GRIK2: variants seen among roughly 807,000 people sequenced by gnomAD.
The protein encoded by GRIK2 is glutamate receptor ionotropic, kainate 2.
In GRIK2, 32 loss-of-function variants were observed where a neutral mutation model predicts 100.3. The ratio of observed to expected loss-of-function variants is 0.32; its 90% CI spans 0.24 to 0.43. The LOEUF is 0.43. GRIK2 is among the 20% of genes least tolerant of loss of function. The probability of loss-of-function intolerance (pLI) is 1.00; values close to 1 mark genes in which losing one functional copy is unlikely to be tolerated. For missense variants in GRIK2, 843 were observed against 1,114.9 expected (o/e 0.76, Z 3.47); for synonymous variants, 417 against 389.4 (o/e 1.07, Z -0.83).
intron 14 of GRIK2, among the ~76,000 whole-genome samples, chr6:102,020,607 G>T (rs941083844): frequency 4.0e-5 from 6 of 151,788 alleles, no homozygotes; most frequent in Admixed American, 6.6e-5. Flanking sequence ...TTGCTAAACT[G>T]ACTTAACAGG....
At chr6:101,560,982 A>G (rs1776982808) in intron 2 of GRIK2, among the ~76,000 whole-genome samples, 1 of 152,184 alleles carries the variant, frequency 6.6e-6, no homozygotes, top group Admixed American at 6.5e-5. Flanking sequence ...GCTTGGTTAT[A>G]CATGCCTTTA....
intron 7 of GRIK2, among the ~76,000 whole-genome samples, chr6:101,765,915 C>A (rs988786258): frequency 1.3e-5 from 2 of 152,202 alleles, no homozygotes; most frequent in South Asian, 4.1e-4. Context: ...AGCTATGAGT[C>A]ATTTATTTTT....
intron 2 of GRIK2, among the ~76,000 whole-genome samples, chr6:101,517,851 T>G (rs954854089): frequency 1.3e-5 from 2 of 152,194 alleles, no homozygotes; most frequent in Non-Finnish European, 1.5e-5. Context: ...CTTATTAGGC[T>G]AACGGTATTT....
chr6:101,873,752 C>G (rs1313523487), intron 11 of GRIK2, among the ~76,000 whole-genome samples: 1 of 151,930 alleles, frequency 6.6e-6, no homozygotes, highest in East Asian at 1.9e-4. Context: ...TCCTCTCCAG[C>G]ACCTGTTGTT....
At chr6:101,403,013 C>T (rs1057326683) in intron 2 of GRIK2, among the ~76,000 whole-genome samples, 3 of 152,180 alleles carry the variant, frequency 2.0e-5, no homozygotes, top group Non-Finnish European at 4.4e-5. Context: ...TCCGGGCATG[C>T]ACTGACCCCA....
At chr6:102,055,235 T>C in intron 15 of GRIK2, 95 bp from the exon 16 acceptor site, 1 of 900,566 alleles carries the variant, frequency 1.1e-6, no homozygotes, top group Middle Eastern at 2.4e-4. Context: ...CTTTGAAGCA[T>C]TTTGAAAAAT....
chr6:101,965,085 G>A (rs1167147087), intron 14 of GRIK2, among the ~76,000 whole-genome samples: 1 of 151,910 alleles, frequency 6.6e-6, no homozygotes, highest in Non-Finnish European at 1.5e-5. Flanking sequence ...GTGTAGAACT[G>A]GAAACTGAGT....
At chr6:101,446,383 T>C (rs554898965) in intron 2 of GRIK2, among the ~76,000 whole-genome samples, 55 of 151,970 alleles carry the variant, frequency 3.6e-4, no homozygotes, top group Non-Finnish European at 6.6e-4. Context: ...ATTATTACAC[T>C]TCATTATAAA....
intron 2 of GRIK2, among the ~76,000 whole-genome samples, chr6:101,423,249 C>T (rs1208010058): frequency 6.6e-6 from 1 of 152,134 alleles, no homozygotes; most frequent in Non-Finnish European, 1.5e-5. Flanking sequence ...AGTATATTTT[C>T]CAGACTAACT....
At chr6:101,713,917 G>T (rs939720820) in intron 7 of GRIK2, among the ~76,000 whole-genome samples, 1 of 151,624 alleles carries the variant, frequency 6.6e-6, no homozygotes, top group African/African-American at 2.4e-5. Context: ...TTCACCCTAC[G>T]CTTGAATTAA....
intron 4 of GRIK2, among the ~76,000 whole-genome samples, chr6:101,635,001 T>C (rs1780936478): frequency 6.6e-6 from 1 of 152,180 alleles, no homozygotes; most frequent in South Asian, 2.1e-4. Flanking sequence ...TAGGATAAAA[T>C]AAAATTAAAG....
chr6:101,651,004 CTTTTT>C (rs3056156), intron 4 of GRIK2, among the ~76,000 whole-genome samples: 4 of 119,520 alleles, frequency 3.3e-5, no homozygotes, highest in Admixed American at 8.7e-5. Context: ...CTTTCTTTTT[CTTTTT>C]TTTTTTTTTT....
In GRIK2 at chr6:101,629,052, T is replaced by C. The variant is rs148186455; in HGVS notation, c.541+2415T>C. Among the ~76,000 whole-genome samples, 518 of 152,226 alleles carry C rather than the reference T, an allele frequency of 3.4e-3. 8 individuals carry two copies. Among genetic ancestry groups the C allele is most frequent in the Non-Finnish European group, 8.2e-4 (56 of 67,972 alleles). ...CCTCATGTATTTGTTCTATTCCTGC[T>C]TTAAATTATATTCTCAATTATATCA... On this transcript the variant is annotated intron_variant, in intron 4 of 16. Coordinates refer to ENST00000369134, the MANE Select transcript of GRIK2 (RefSeq NM_021956.5).
chr6:102,040,759 AT>A (rs1324785075), intron 15 of GRIK2, among the ~76,000 whole-genome samples: 3 of 151,626 alleles, frequency 2.0e-5, no homozygotes, highest in Non-Finnish European at 4.4e-5. Context: ...GTACTGAAAT[AT>A]TCATCATTAT....
chr6:101,761,490 T>G (rs967579348), intron 7 of GRIK2, among the ~76,000 whole-genome samples: 1 of 152,170 alleles, frequency 6.6e-6, no homozygotes, highest in African/African-American at 2.4e-5. Context: ...CCAGAGCTCA[T>G]GATAGCACAC....
At chr6:101,445,013 C>A (rs1770293769) in intron 2 of GRIK2, among the ~76,000 whole-genome samples, 2 of 151,930 alleles carry the variant, frequency 1.3e-5, no homozygotes, top group South Asian at 4.2e-4. Context: ...TTCTTATATA[C>A]CCAGTATGTA....
rs71028069 is a variant in GRIK2, at chr6:101,464,497, CTTTTTTTTTTTTTTTTTTTT to C, written c.115+65124_115+65143del. 4.4e-3 allele frequency among the ~76,000 whole-genome samples: 270 copies of C among 62,030 alleles called. 1 individual carries two copies. Among genetic ancestry groups the C allele is most frequent in the African/African-American group, 0.013 (214 of 16,168 alleles). 40.7% of individuals were successfully genotyped at this position (62,030 alleles called of 152,430 possible). ...TAATTTTTACCTTTTCTTTTTCTTT[CTTTTTTTTTTTTTTTTTTTT>C]TTTTTTTTTTTTTTTTTTGAGACAG... On this transcript the variant is annotated intron_variant, in intron 2 of 16. Coordinates refer to ENST00000369134, the MANE Select transcript of GRIK2 (RefSeq NM_021956.5).
At chr6:101,920,658 A>G (rs1401341791) in intron 12 of GRIK2, among the ~76,000 whole-genome samples, 1 of 151,636 alleles carries the variant, frequency 6.6e-6, no homozygotes. Context: ...TTGAATATCT[A>G]TGGAGTGAAG....
chr6:101,585,757 C>T (rs1262239591), intron 2 of GRIK2, among the ~76,000 whole-genome samples: 1 of 151,890 alleles, frequency 6.6e-6, no homozygotes, highest in East Asian at 1.9e-4. Flanking sequence ...AATTGGCAAA[C>T]AAATAGGCAA....
Sources: gnomAD v4.1 joint callset for allele counts (sites outside exome capture counted in the v4.1 genomes callset) on GRCh38, gnomAD v4.1.1 for gene constraint, MANE v1.5 for transcripts, NCBI Gene and HGNC (gene_info 2026-07-23, HGNC 2026-07-21) for gene names.